Variants in ACAP2 observed in about 807,000 individuals in gnomAD.
The protein encoded by ACAP2 is ArfGAP with coiled-coil, ankyrin repeat and PH domains 2.
ACAP2 carries 39 observed loss-of-function variants against 115.8 expected under a neutral mutation model. The ratio of observed to expected loss-of-function variants is 0.34; its 90% confidence interval spans 0.26 to 0.44. The LOEUF is 0.44. Among genes scored for constraint, ACAP2 ranks in the 20% least tolerant of loss-of-function variants. The pLI is 1.00. For synonymous variants in ACAP2, 289 were observed against 315.8 expected (o/e 0.92, Z 0.90); for missense variants, 662 against 927.6 (o/e 0.71, Z 3.72).
chr3:195,404,179 T>G (rs749052858), intron 1 of ACAP2, among the ~76,000 whole-genome samples: 8 of 151,456 alleles, frequency 5.3e-5, no homozygotes, highest in Middle Eastern at 3.4e-3. Flanking sequence ...ACACATAAAA[T>G]AAGAAGAAAA....
chr3:195,402,073 G>A (rs74389844), intron 1 of ACAP2, among the ~76,000 whole-genome samples: 3,239 of 152,114 alleles, frequency 0.021, 116 homozygotes, highest in East Asian at 0.1. Flanking sequence ...CAAACAGAGC[G>A]CCTGACATTC....
intron 22 of ACAP2, chr3:195,282,300 G>A (rs1296020471): frequency 6.6e-6 from 1 of 152,114 alleles, no homozygotes; most frequent in East Asian, 1.9e-4. Context: ...GAAAGTGTTG[G>A]TGCTATAATA....
chr3:195,420,213 T>C (rs1240515043), intron 1 of ACAP2, among the ~76,000 whole-genome samples: 2 of 152,218 alleles, frequency 1.3e-5, no homozygotes, highest in African/African-American at 4.8e-5. Context: ...GTTATTAATA[T>C]AAATGGAATT....
intron 16 of ACAP2, among the ~76,000 whole-genome samples, chr3:195,296,256 ATTTT>A (rs1727651850): frequency 6.6e-6 from 1 of 152,012 alleles, no homozygotes; most frequent in Non-Finnish European, 1.5e-5. Flanking sequence ...AAGTAACTTT[ATTTT>A]CATGTTTACT....
chr3:195,331,757 A>G (rs1052382555), intron 8 of ACAP2, among the ~76,000 whole-genome samples: 1 of 152,200 alleles, frequency 6.6e-6, no homozygotes, highest in Non-Finnish European at 1.5e-5. Context: ...GATCTAATAT[A>G]ATGTTATCAT....
intron 4 of ACAP2, among the ~76,000 whole-genome samples, chr3:195,375,285 T>C (rs1173690688): frequency 6.6e-6 from 1 of 152,138 alleles, no homozygotes; most frequent in Non-Finnish European, 1.5e-5. Flanking sequence ...TTTCTAAAAA[T>C]ATAATTCCAT....
chr3:195,346,030 T>C (rs954946607), intron 4 of ACAP2, among the ~76,000 whole-genome samples: 2 of 152,124 alleles, frequency 1.3e-5, no homozygotes, highest in Non-Finnish European at 2.9e-5. Flanking sequence ...AATATCAATA[T>C]CCAAAAGAAA....
At chr3:195,294,855 T>C (rs1329393289) in intron 17 of ACAP2, 44 bp from the exon 18 acceptor site, 1 of 1,282,986 alleles carries the variant, frequency 7.8e-7, no homozygotes, top group Non-Finnish European at 1.1e-6. Context: ...TTCATGCCAT[T>C]TAGAAAACAA....
At chr3:195,292,557 G>A in intron 18 of ACAP2, 105 bp from the exon 19 acceptor site, 3 of 1,037,074 alleles carry the variant, frequency 2.9e-6, no homozygotes, top group Non-Finnish European at 4.2e-6. Flanking sequence ...AAAGAGTTCT[G>A]TGGATGAATG....
rs1577396899 is a variant in ACAP2, at chr3:195,387,266, T to C, written c.111+4824A>G. The stretch of plus-strand genomic sequence containing the variant: ...ACAACAAGATTAAATGTCAAGTCCA[T>C]CTAAATTATCAAACTAATATCCCTA... On this transcript the variant is annotated intron_variant, in intron 2 of 22. Coordinates refer to ENST00000326793, the MANE Select transcript of ACAP2 (RefSeq NM_012287.6). Among the ~76,000 whole-genome samples the C allele has an allele frequency of 5.9e-5, 9 of 152,330 alleles. 1 individual carries two copies. The South Asian group carries it at 1.9e-3, about 32-fold the overall frequency.
chr3:195,297,356 T>C, intron 15 of ACAP2, 75 bp from the exon 16 acceptor site: 1 of 1,309,518 alleles, frequency 7.6e-7, no homozygotes, highest in African/African-American at 1.5e-5. Context: ...TAAAAATCCT[T>C]TAAGCAAGTA....
chr3:195,317,357 A>T (rs1041815630), intron 10 of ACAP2, among the ~76,000 whole-genome samples: 13 of 152,200 alleles, frequency 8.5e-5, no homozygotes, highest in Non-Finnish European at 1.5e-4. Flanking sequence ...CCATTTTTTT[A>T]AAATAAAAAC....
chr3:195,321,216 CTTTTTTTT>C (rs34165362), intron 9 of ACAP2, among the ~76,000 whole-genome samples: 1 of 102,244 alleles, frequency 9.8e-6, no homozygotes, highest in Non-Finnish European at 1.9e-5. Context: ...TTTATCACAA[CTTTTTTTT>C]TTTTTTTTTT....
chr3:195,400,204 GTATGTGTATATATATA>G (rs1712162821), intron 1 of ACAP2, among the ~76,000 whole-genome samples: 1 of 151,002 alleles, frequency 6.6e-6, no homozygotes, highest in South Asian at 2.1e-4. Flanking sequence ...AAAAAAATAC[GTATGTGTATATATATA>G]TGTGTGTGTA....
chr3:195,377,728 A>G lies in ACAP2; in HGVS notation c.285+3281T>C, dbSNP rs531937194. Among the ~76,000 whole-genome samples the G allele has an allele frequency of 7.9e-5, 12 of 152,346 alleles. No homozygotes were observed. The East Asian group carries it at 1.7e-3, about 22-fold the overall frequency. On this transcript the variant is annotated intron_variant, in intron 4 of 22. Coordinates refer to ENST00000326793, the MANE Select transcript of ACAP2 (RefSeq NM_012287.6). ...TAGATGGTATATTAACTATAAAAAG[A>G]AGAAAATTAAAAGAAAGTAAACCAA...
At chr3:195,379,973 T>A (rs539343391) in intron 4 of ACAP2, among the ~76,000 whole-genome samples, 42 of 152,230 alleles carry the variant, frequency 2.8e-4, no homozygotes, top group South Asian at 8.3e-4. Context: ...TAATTTTTTT[T>A]AAAAAATTGA....
intron 4 of ACAP2, among the ~76,000 whole-genome samples, chr3:195,371,893 A>G (rs1232432213): frequency 6.6e-6 from 1 of 152,162 alleles, no homozygotes; most frequent in African/African-American, 2.4e-5. Flanking sequence ...TCCTGGCCCC[A>G]AGTGATTCAC....
intron 10 of ACAP2, among the ~76,000 whole-genome samples, chr3:195,317,782 T>C (rs1356054765): frequency 6.6e-6 from 1 of 152,082 alleles, no homozygotes; most frequent in Non-Finnish European, 1.5e-5. Flanking sequence ...ATGAAAAAAA[T>C]CCTATTTCCT....
chr3:195,399,554 A>G (rs1454022724), intron 1 of ACAP2, among the ~76,000 whole-genome samples: 1 of 152,142 alleles, frequency 6.6e-6, no homozygotes, highest in Non-Finnish European at 1.5e-5. Context: ...TCTGTTTTAC[A>G]GATTGTAAAC....
Sources: gnomAD v4.1 joint callset for allele counts (sites outside exome capture counted in the v4.1 genomes callset) on GRCh38, gnomAD v4.1.1 for gene constraint, MANE v1.5 for transcripts, NCBI Gene and HGNC (gene_info 2026-07-23, HGNC 2026-07-21) for gene names.